The following AGBL4 variants were observed in gnomAD, a reference collection of about 807,000 sequenced individuals.
The protein encoded by AGBL4 is AGBL carboxypeptidase 4.
In AGBL4, 58 loss-of-function variants were observed where a neutral mutation model predicts 66.4. That is an observed-to-expected ratio of 0.87 (90% CI 0.71 to 1.09). AGBL4 has a LOEUF of 1.09. Among genes scored for constraint, AGBL4 ranks in the 50% least tolerant of loss-of-function variants. The probability of loss-of-function intolerance (pLI) is 0.00; values close to 1 mark genes in which losing one functional copy is unlikely to be tolerated. For missense variants in AGBL4, 579 were observed against 631.0 expected (o/e 0.92, Z 0.88); for synonymous variants, 234 against 222.9 (o/e 1.05, Z -0.44).
At chr1:48,647,523 CAT>C in intron 8 of AGBL4, 1 of 366,332 alleles carries the variant, frequency 2.7e-6, no homozygotes, top group Non-Finnish European at 5.5e-6. Flanking sequence ...TGCCCAGAAA[CAT>C]AAATAAAACC....
At chr1:49,889,068 A>G (rs1222038915) in intron 1 of AGBL4, among the ~76,000 whole-genome samples, 3 of 152,264 alleles carry the variant, frequency 2.0e-5, no homozygotes, top group Non-Finnish European at 4.4e-5. Context: ...TTAAAGAATA[A>G]TTAAATAACA....
intron 5 of AGBL4, among the ~76,000 whole-genome samples, chr1:49,017,525 C>A (rs1218992898): frequency 1.3e-5 from 2 of 152,064 alleles, no homozygotes; most frequent in Non-Finnish European, 2.9e-5. Context: ...TAATTTTGAG[C>A]CCCTGAATAC....
At chr1:49,997,122 G>A in intron 1 of AGBL4, among the ~76,000 whole-genome samples, 1 of 151,962 alleles carries the variant, frequency 6.6e-6, no homozygotes, top group East Asian at 1.9e-4. Context: ...AAATCTCACA[G>A]GACCTATAAT....
intron 4 of AGBL4, among the ~76,000 whole-genome samples, chr1:49,184,124 G>T (rs1646975202): frequency 6.6e-6 from 1 of 152,102 alleles, no homozygotes; most frequent in Non-Finnish European, 1.5e-5. Flanking sequence ...GCCAGATGTA[G>T]AACTCACTCT....
chr1:49,393,023 T>C (rs1450104226), intron 3 of AGBL4, among the ~76,000 whole-genome samples: 3 of 152,214 alleles, frequency 2.0e-5, no homozygotes, highest in African/African-American at 7.2e-5. Context: ...GCAAGATTTT[T>C]AGCATGTGAG....
At chr1:48,594,714 AG>A (rs1236667044) in intron 9 of AGBL4, among the ~76,000 whole-genome samples, 1 of 152,084 alleles carries the variant, frequency 6.6e-6, no homozygotes, top group Non-Finnish European at 1.5e-5. Context: ...ATGTGAGGTA[AG>A]GGTTAAATTT....
chr1:48,942,563 C>T (rs940850650), intron 5 of AGBL4, among the ~76,000 whole-genome samples: 49 of 152,190 alleles, frequency 3.2e-4, no homozygotes, highest in Non-Finnish European at 1.0e-4. Context: ...AAAATGTCAG[C>T]TCTACTCCCC....
intron 4 of AGBL4, among the ~76,000 whole-genome samples, chr1:49,072,227 C>T (rs561128238): frequency 1.2e-3 from 177 of 152,226 alleles, no homozygotes; most frequent in Non-Finnish European, 2.0e-3. Context: ...TTAATTGGGG[C>T]ATTTAGCTCA....
At position 48,959,726 on chromosome 1, in the gene AGBL4, G is replaced by T. The variant is rs866300951; in HGVS notation, c.594+85858C>A. ...ATCTAGAAAGAATATTCTGGGTACAGACCAGTGATTATGAACATTTTGAAG... is the reference window on the plus strand; with the variant it reads ...ATCTAGAAAGAATATTCTGGGTACATACCAGTGATTATGAACATTTTGAAG... On this transcript the variant is annotated intron_variant, in intron 5 of 13. Transcript: ENST00000371839. Among the ~76,000 whole-genome samples, 4 of 152,346 alleles carry T rather than the reference G, an allele frequency of 2.6e-5. 1 individual carries two copies. The Middle Eastern group carries it at 0.01, about 389-fold the overall frequency.
At chr1:48,596,591 C>T (rs1156885520) in intron 9 of AGBL4, among the ~76,000 whole-genome samples, 1 of 152,058 alleles carries the variant, frequency 6.6e-6, no homozygotes, top group Non-Finnish European at 1.5e-5. Flanking sequence ...GGTTCTTTAT[C>T]ATTCATACTG....
chr1:48,842,441 C>G (rs1646826344), intron 6 of AGBL4, among the ~76,000 whole-genome samples: 1 of 152,124 alleles, frequency 6.6e-6, no homozygotes, highest in South Asian at 2.1e-4. Flanking sequence ...TATGGCTGCC[C>G]CAGTTCTCCT....
chr1:49,399,635 T>C (rs888612798), intron 3 of AGBL4, among the ~76,000 whole-genome samples: 3 of 152,178 alleles, frequency 2.0e-5, no homozygotes, highest in Admixed American at 1.3e-4. Flanking sequence ...TTTCCACTTG[T>C]ATGTCTTCTT....
intron 11 of AGBL4, 198 bp downstream of exon 11, chr1:48,586,806 A>G: frequency 1.6e-6 from 1 of 625,792 alleles, no homozygotes; most frequent in Admixed American, 3.1e-5. Flanking sequence ...GGAGCATGGC[A>G]ATTGGGGTAG....
At chr1:49,087,750 A>G (rs1156902317) in intron 4 of AGBL4, among the ~76,000 whole-genome samples, 1 of 152,196 alleles carries the variant, frequency 6.6e-6, no homozygotes, top group Non-Finnish European at 1.5e-5. Context: ...CTTGTGATAT[A>G]CTATACAAGA....
chr1:50,012,889 C>G (rs892161713), intron 1 of AGBL4, among the ~76,000 whole-genome samples: 3 of 152,054 alleles, frequency 2.0e-5, no homozygotes, highest in Non-Finnish European at 2.9e-5. Flanking sequence ...CCACGTTGAT[C>G]GTAAGGATGT....
intron 3 of AGBL4, among the ~76,000 whole-genome samples, chr1:49,358,969 C>A (rs1466415140): frequency 6.6e-6 from 1 of 151,834 alleles, no homozygotes; most frequent in Non-Finnish European, 1.5e-5. Context: ...CTGTCTTCAT[C>A]TCAAGAGGAA....
chr1:49,683,978 C>A (rs976386890), intron 3 of AGBL4, among the ~76,000 whole-genome samples: 1 of 152,078 alleles, frequency 6.6e-6, no homozygotes, highest in Non-Finnish European at 1.5e-5. Flanking sequence ...TATCATCCTG[C>A]AGAATGGCAC....
At chr1:49,217,980 A>G (rs1649216532) in intron 4 of AGBL4, among the ~76,000 whole-genome samples, 1 of 152,112 alleles carries the variant, frequency 6.6e-6, no homozygotes, top group African/African-American at 2.4e-5. Context: ...TGATTGCCTT[A>G]TAAGGGAATT....
chr1:48,531,207 TTCTCTC>T (rs59031219), downstream of AGBL4, among the ~76,000 whole-genome samples: 1 of 150,028 alleles, frequency 6.7e-6, no homozygotes, highest in Non-Finnish European at 1.5e-5. Flanking sequence ...GCTTTTTTTT[TTCTCTC>T]TCTCTCTCTC....
Sources: allele counts gnomAD v4.1 joint callset (sites outside exome capture counted in the v4.1 genomes callset), GRCh38; gene constraint gnomAD v4.1.1; transcripts MANE v1.5; gene names NCBI Gene and HGNC (gene_info 2026-07-23, HGNC 2026-07-21).